The following PIK3R5 variants were observed in gnomAD, a reference collection of about 807,000 sequenced individuals.
PIK3R5 encodes phosphoinositide-3-kinase regulatory subunit 5.
PIK3R5 carries 32 observed loss-of-function variants against 94.9 expected under a neutral mutation model. The observed-to-expected ratio is 0.34, with a 90% confidence interval of 0.25 to 0.45. The LOEUF (loss-of-function observed/expected upper bound fraction) is 0.45, where lower values mean the gene tolerates loss of function less well. Ranked by LOEUF, PIK3R5 falls within the 20% of genes least tolerant of loss-of-function variation. The probability of loss-of-function intolerance (pLI) is 1.00; values close to 1 mark genes in which losing one functional copy is unlikely to be tolerated. For missense variants in PIK3R5, 853 were observed against 1,144.6 expected (o/e 0.75, Z 3.68); for synonymous variants, 443 against 479.4 (o/e 0.92, Z 0.99).
At chr17:8,961,218 G>A (rs1286047033) in intron 1 of PIK3R5, among the ~76,000 whole-genome samples, 14 of 152,184 alleles carry the variant, frequency 9.2e-5, no homozygotes, top group African/African-American at 2.2e-4. Flanking sequence ...AACAGCACAC[G>A]CAAAGGTGCA....
intron 1 of PIK3R5, among the ~76,000 whole-genome samples, chr17:8,946,121 C>T (rs116022148): frequency 2.7e-4 from 41 of 152,126 alleles, no homozygotes; most frequent in African/African-American, 9.6e-4. Context: ...ATAATAAAAC[C>T]GTTGCAATCT....
intron 1 of PIK3R5, among the ~76,000 whole-genome samples, chr17:8,928,870 C>G (rs143409382): frequency 1.9e-3 from 288 of 152,292 alleles, no homozygotes; most frequent in African/African-American, 6.6e-3. Context: ...TCCTTCTCCT[C>G]TTGAGTTTTC....
chr17:8,884,976 A>G lies in PIK3R5; in HGVS notation c.2129-193T>C, dbSNP rs1415841900. 1.7e-6 allele frequency: 1 copy of G among 591,534 alleles called. No individual in the cohort carries two copies. The highest frequency in any genetic ancestry group is 3.0e-6 in the Non-Finnish European group (1 of 328,004). The allele number at this position is 591,534 out of a possible 1,614,324, so 36.6% of individuals were successfully genotyped here. The stretch of plus-strand genomic sequence containing the variant: ...TCTGGGGATCTCCACCTCCTCAGTG[A>G]CCCCATCACTCCAGGGCCCATCTCC... On this transcript the variant is annotated intron_variant, in intron 14 of 18. Transcript: ENST00000447110. This position sits in a 1 kb window ranked among gnomAD's most constrained non-coding sequence, Gnocchi z 5.8.
chr17:8,925,052 T>C lies in PIK3R5; in HGVS notation c.-13-13545A>G, dbSNP rs2090845158. Among the ~76,000 whole-genome samples the C allele has an allele frequency of 6.6e-6, 1 of 152,060 alleles. No individual in the cohort carries two copies. The highest frequency in any genetic ancestry group is 6.5e-5 in the Admixed American group (1 of 15,270). On this transcript the variant is annotated intron_variant, in intron 1 of 18. Coordinates refer to ENST00000447110, the MANE Select transcript of PIK3R5 (RefSeq NM_001142633.3). This position sits in a 1 kb window ranked among gnomAD's most constrained non-coding sequence, Gnocchi z 5.1. The stretch of plus-strand genomic sequence containing the variant: ...GATAGATAGTAGATGAATAGATAGA[T>C]AGATAGTAGATGGATAGATGGATAG...
rs546814544 is a variant in PIK3R5 at position 8,935,245 on chromosome 17, A to G, written c.-13-23738T>C. On this transcript the variant is annotated intron_variant, in intron 1 of 18. Coordinates refer to ENST00000447110, the MANE Select transcript of PIK3R5 (RefSeq NM_001142633.3). The surrounding 1 kb of genome is among the most constrained non-coding windows in gnomAD (Gnocchi z 4.5). ...CATCTAACATAATGGTTCTAACCCC[A>G]GTGCCTGGCACAGGGTCTGGGCAGA... Among the ~76,000 whole-genome samples the G allele has an allele frequency of 1.7e-3, 264 of 152,266 alleles. 1 individual carries two copies. The highest frequency in any genetic ancestry group is 3.1e-3 in the Non-Finnish European group (213 of 68,012).
At position 8,893,046 on chromosome 17, in the gene PIK3R5, C is replaced by CTGTGTGTG. The variant is rs199732856; in HGVS notation, c.482+532_482+539dup. 2.8e-3 allele frequency among the ~76,000 whole-genome samples: 384 copies of CTGTGTGTG among 135,864 alleles called. 2 individuals carry two copies. The highest frequency in any genetic ancestry group is 9.3e-3 in the African/African-American group (309 of 33,112). The allele number at this position is 135,864 out of a possible 152,430, so 89.1% of individuals were successfully genotyped here. Reference sequence around the variant, plus strand: ...GTAACCAGGATACATTTCATTTCAGCTGTGTGTGTGTGTGTGTGTGTGTGT... The same window carrying CTGTGTGTG: ...GTAACCAGGATACATTTCATTTCAGCTGTGTGTGTGTGTGTGTGTGTGTGTGTGTGTGT... On this transcript the variant is annotated intron_variant, in intron 6 of 18. Transcript: ENST00000447110. The surrounding 1 kb of genome is among the most constrained non-coding windows in gnomAD (Gnocchi z 5.1).
chr17:8,929,490 A>G (rs1881679784), intron 1 of PIK3R5, among the ~76,000 whole-genome samples: 1 of 152,244 alleles, frequency 6.6e-6, no homozygotes, highest in African/African-American at 2.4e-5. Flanking sequence ...CATAAGGTCA[A>G]TTCACTAAAA....
rs2090875715 is a variant in PIK3R5 at position 8,925,962 on chromosome 17, T to C, written c.-13-14455A>G. Reference sequence around the variant, plus strand: ...ACAGCTCTCTATTTGGGAGTTCACATGGTGCTGTGGTCACTGAGGCTGTGA... The same window carrying C: ...ACAGCTCTCTATTTGGGAGTTCACACGGTGCTGTGGTCACTGAGGCTGTGA... On this transcript the variant is annotated intron_variant, in intron 1 of 18. Transcript: ENST00000447110. The surrounding 1 kb of genome is among the most constrained non-coding windows in gnomAD (Gnocchi z 5.1). Among the ~76,000 whole-genome samples, 2 of 152,182 alleles carry C rather than the reference T, an allele frequency of 1.3e-5. No individual in the cohort carries two copies. The highest frequency in any genetic ancestry group is 1.3e-4 in the Admixed American group (2 of 15,276).
rs1438776717 is a variant in PIK3R5 at position 8,935,468 on chromosome 17, C to T, written c.-13-23961G>A. ...GGCCACCCACAGTGTGGGCAGGTTG[C>T]CTGGGAGACCTGCTTCCTTCCTTGT... On this transcript the variant is annotated intron_variant, in intron 1 of 18. Coordinates refer to ENST00000447110, the MANE Select transcript of PIK3R5 (RefSeq NM_001142633.3). The surrounding 1 kb of genome is among the most constrained non-coding windows in gnomAD (Gnocchi z 4.5). Among the ~76,000 whole-genome samples, 1 of 152,150 alleles carries T rather than the reference C, an allele frequency of 6.6e-6. No homozygotes were observed. Among genetic ancestry groups the T allele is most frequent in the Non-Finnish European group, 1.5e-5 (1 of 68,020 alleles).
Position 8,890,035 on chromosome 17 carries a change from C to T in PIK3R5, c.749G>A (p.Arg250Gln), listed in dbSNP as rs748006348. 37 of 1,613,912 alleles carry T rather than the reference C, an allele frequency of 2.3e-5. No homozygotes were observed. The highest frequency in any genetic ancestry group is 2.2e-5 in the East Asian group (1 of 44,886). ...ASGIGDAAEA[R>Q]RWLRTKLQAV... is the part of the protein sequence containing the mutation. ...CTGCAGCTTGGTCCTGAGCCACCGC[C>T]GGGCCTCTGCAGCATCCCCGATGCC... Residue 250 changes from arginine to glutamine, a missense_variant, in exon 8 of 19, where the codon CGG (arginine) becomes CAG (glutamine). This residue lies in a region of PIK3R5 where 161 missense variants were observed against 249.5 expected (regional missense o/e 0.65). Coordinates refer to ENST00000447110, the MANE Select transcript of PIK3R5 (RefSeq NM_001142633.3). The surrounding 1 kb of genome is among the most constrained non-coding windows in gnomAD (Gnocchi z 6.1).
chr17:8,956,115 C>T (rs982926858), intron 1 of PIK3R5, among the ~76,000 whole-genome samples: 3 of 151,784 alleles, frequency 2.0e-5, no homozygotes, highest in East Asian at 1.9e-4. Flanking sequence ...GATCTGTGAT[C>T]GTGCCACTGT....
intron 1 of PIK3R5, among the ~76,000 whole-genome samples, chr17:8,949,713 T>G (rs1254527113): frequency 1.1e-4 from 16 of 152,138 alleles, no homozygotes; most frequent in Non-Finnish European, 2.9e-5. Flanking sequence ...AGCTAAGCTA[T>G]ACGGATGCAA....
At chr17:8,922,819 A>G (rs1458129847) in intron 1 of PIK3R5, among the ~76,000 whole-genome samples, 1 of 152,078 alleles carries the variant, frequency 6.6e-6, no homozygotes, top group Non-Finnish European at 1.5e-5. Context: ...TGGGGCCAGG[A>G]GAGGGAGGAA....
intron 6 of PIK3R5, among the ~76,000 whole-genome samples, chr17:8,891,577 C>A (rs943611537): frequency 7.9e-5 from 12 of 151,326 alleles, no homozygotes; most frequent in African/African-American, 2.9e-4. Flanking sequence ...GTTTACATTT[C>A]TTTATTATGG....
rs535634893 is a variant in PIK3R5, at chr17:8,941,017, T to C, written c.-14+24579A>G. On this transcript the variant is annotated intron_variant, in intron 1 of 18. Transcript: ENST00000447110. ...CAGTGGGTAAAGAAATGAGGGCCCC[T>C]CCAGCTCCACTGTGACCCAGCAGGG... Among the ~76,000 whole-genome samples, 92 of 152,182 alleles carry C rather than the reference T, an allele frequency of 6.0e-4. 1 individual carries two copies. Among genetic ancestry groups the C allele is most frequent in the Non-Finnish European group, 1.1e-3 (78 of 67,978 alleles).
Position 8,886,560 on chromosome 17 carries a change from G to C in PIK3R5, c.1951C>G (p.Gln651Glu). The C allele has an allele frequency of 6.2e-7, 1 of 1,611,900 alleles. No individual in the cohort carries two copies. Among genetic ancestry groups the C allele is most frequent in the Non-Finnish European group, 8.5e-7 (1 of 1,178,964 alleles). Reference protein sequence around the residue: ...EAQALEGSPTQLPILADMLLY... With the variant: ...EAQALEGSPTELPILADMLLY... Reference sequence around the variant, plus strand: ...AGCATGTCAGCCAGGATGGGCAGCTGGGTTGGGGAGCCCTCCAGGGCCTGG... The same window carrying C: ...AGCATGTCAGCCAGGATGGGCAGCTCGGTTGGGGAGCCCTCCAGGGCCTGG... Residue 651 changes from glutamine to glutamate, a missense_variant, in exon 13 of 19, where the codon CAG becomes GAG. Physicochemically the swap from Gln to Glu is conservative, Grantham distance 29. Coordinates refer to ENST00000447110, the MANE Select transcript of PIK3R5 (RefSeq NM_001142633.3).
rs548901442 is a variant in PIK3R5, at chr17:8,909,657, C to A, written c.104-483G>T. 5.3e-5 allele frequency among the ~76,000 whole-genome samples: 8 copies of A among 152,306 alleles called. No individual in the cohort carries two copies. Among genetic ancestry groups the A allele is most frequent in the South Asian group, 2.1e-4 (1 of 4,826 alleles). ...GATCAACACTCAACCCTACCATGCC[C>A]CATCAAGACATAATGACAAATTCCC... On this transcript the variant is annotated intron_variant, in intron 2 of 18. Coordinates refer to ENST00000447110, the MANE Select transcript of PIK3R5 (RefSeq NM_001142633.3). The surrounding 1 kb of genome is among the most constrained non-coding windows in gnomAD (Gnocchi z 4.3).
chr17:8,886,088 C>A (rs1163799135), intron 14 of PIK3R5, 141 bp downstream of exon 14: 2 of 658,848 alleles, frequency 3.0e-6, no homozygotes, highest in African/African-American at 3.6e-5. Context: ...TCCCGGTAAC[C>A]CCGTCTCCCC....
At chr17:8,897,679 A>G (rs1040456116) in intron 5 of PIK3R5, among the ~76,000 whole-genome samples, 3 of 152,088 alleles carry the variant, frequency 2.0e-5, no homozygotes, top group Non-Finnish European at 4.4e-5. Context: ...TACCCAGTTG[A>G]TGAGTCAATT....
Sources: gnomAD v4.1 joint callset for allele counts (sites outside exome capture counted in the v4.1 genomes callset) on GRCh38, gnomAD v4.1.1 for gene constraint, gnomAD v4.1.1 regional missense constraint, Gnocchi (gnomAD v3.1) non-coding constraint, MANE v1.5 for transcripts, NCBI Gene and HGNC (gene_info 2026-07-23, HGNC 2026-07-21) for gene names.